Variants in STXBP5L observed in about 807,000 individuals in gnomAD.
The protein encoded by STXBP5L is syntaxin binding protein 5L.
STXBP5L carries 65 observed loss-of-function variants against 144.5 expected under a neutral mutation model. The ratio of observed to expected loss-of-function variants is 0.45; its 90% CI spans 0.37 to 0.55. The LOEUF (loss-of-function observed/expected upper bound fraction) is 0.55, where lower values mean the gene tolerates loss of function less well. STXBP5L is among the 20% of genes least tolerant of loss of function. STXBP5L has a pLI of 0.00. For missense variants in STXBP5L, 1,298 were observed against 1,405.5 expected, an observed-to-expected ratio of 0.92 and a Z score of 1.22; for synonymous variants, 505 against 469.6, an observed-to-expected ratio of 1.08 and a Z score of -0.97.
At chr3:121,047,888 C>A (rs1410102975) in intron 5 of STXBP5L, among the ~76,000 whole-genome samples, 1 of 152,098 alleles carries the variant, frequency 6.6e-6, no homozygotes, top group Non-Finnish European at 1.5e-5. Flanking sequence ...ATCCTTTCAT[C>A]ATGTTTCTAG....
intron 9 of STXBP5L, among the ~76,000 whole-genome samples, chr3:121,186,666 C>T (rs900256569): frequency 6.6e-6 from 1 of 152,174 alleles, no homozygotes; most frequent in Non-Finnish European, 1.5e-5. Flanking sequence ...GGTGGATAAG[C>T]TTTTTGATGT....
At chr3:121,181,115 A>G (rs1577133486) in intron 9 of STXBP5L, among the ~76,000 whole-genome samples, 3 of 150,336 alleles carry the variant, frequency 2.0e-5, no homozygotes, top group African/African-American at 7.3e-5. Flanking sequence ...AGAAAAGAAG[A>G]AAACAAAAGA....
intron 2 of STXBP5L, among the ~76,000 whole-genome samples, chr3:120,944,346 T>C (rs1002331387): frequency 3.3e-5 from 5 of 151,654 alleles, no homozygotes; most frequent in Admixed American, 6.6e-5. Flanking sequence ...TTAATTATCT[T>C]AATATGTCCT....
At chr3:121,338,678 G>A (rs1169009466) in intron 20 of STXBP5L, among the ~76,000 whole-genome samples, 4 of 150,486 alleles carry the variant, frequency 2.7e-5, no homozygotes, top group South Asian at 2.1e-4. Context: ...AAAAGAAAGA[G>A]GAAGGAAAGA....
At chr3:120,961,743 T>C (rs1938851143) in intron 3 of STXBP5L, among the ~76,000 whole-genome samples, 1 of 152,222 alleles carries the variant, frequency 6.6e-6, no homozygotes, top group Non-Finnish European at 1.5e-5. Flanking sequence ...TACGTGTGCA[T>C]GTGTCTTTAT....
At chr3:121,056,116 T>A (rs1229904056) in intron 5 of STXBP5L, among the ~76,000 whole-genome samples, 1 of 152,184 alleles carries the variant, frequency 6.6e-6, no homozygotes, top group Non-Finnish European at 1.5e-5. Context: ...GGCTTATATA[T>A]TAAAGCCTTT....
At chr3:121,395,003 A>G (rs900912702) in intron 22 of STXBP5L, among the ~76,000 whole-genome samples, 5 of 152,194 alleles carry the variant, frequency 3.3e-5, no homozygotes, top group Non-Finnish European at 5.9e-5. Flanking sequence ...TTTTAGTGGC[A>G]TGAATTCAGA....
At chr3:121,220,088 C>G (rs1190506190) in intron 10 of STXBP5L, among the ~76,000 whole-genome samples, 2 of 152,042 alleles carry the variant, frequency 1.3e-5, no homozygotes, top group Non-Finnish European at 2.9e-5. Flanking sequence ...ATATTTCCAT[C>G]ATTTCCCACA....
chr3:121,350,419 A>G (rs895319643), intron 20 of STXBP5L, among the ~76,000 whole-genome samples: 1 of 152,110 alleles, frequency 6.6e-6, no homozygotes, highest in South Asian at 2.1e-4. Context: ...ACTTTGGTGA[A>G]TCTGACAATT....
At chr3:121,384,589 G>A (rs1215929685) in intron 22 of STXBP5L, among the ~76,000 whole-genome samples, 1 of 152,050 alleles carries the variant, frequency 6.6e-6, no homozygotes, top group Non-Finnish European at 1.5e-5. Context: ...GGAGACTGTA[G>A]ATAGAATGAT....
intron 19 of STXBP5L, among the ~76,000 whole-genome samples, chr3:121,292,154 C>T (rs1311352382): frequency 6.6e-6 from 1 of 152,006 alleles, no homozygotes; most frequent in Non-Finnish European, 1.5e-5. Flanking sequence ...ATGCATCTGA[C>T]AAGGACTAAT....
rs568916744 is a variant in STXBP5L at position 120,971,240 on chromosome 3, A to T, written c.287+16203A>T. ...TTTACAATTTTATTTATTTAAGAAA[A>T]TTTTTTTGTAAATTTTTCAAGTGCA... On this transcript the variant is annotated intron_variant, in intron 3 of 26. Transcript: ENST00000471454. Among the ~76,000 whole-genome samples the T allele has an allele frequency of 1.2e-4, 18 of 152,070 alleles. 1 individual carries two copies. The highest frequency in any genetic ancestry group is 5.9e-4 in the Admixed American group (9 of 15,236).
chr3:121,105,331 G>A (rs1431557137), intron 5 of STXBP5L, among the ~76,000 whole-genome samples: 1 of 151,944 alleles, frequency 6.6e-6, no homozygotes, highest in African/African-American at 2.4e-5. Flanking sequence ...GGGAGGCAGA[G>A]GTTGCAGTGA....
chr3:121,305,397 A>G (rs1292491347), intron 19 of STXBP5L, among the ~76,000 whole-genome samples: 1 of 152,174 alleles, frequency 6.6e-6, no homozygotes, highest in Non-Finnish European at 1.5e-5. Flanking sequence ...ATGGAACTAG[A>G]TGCAAAAATC....
intron 2 of STXBP5L, among the ~76,000 whole-genome samples, chr3:120,927,607 C>G (rs1709705153): frequency 6.6e-6 from 1 of 152,142 alleles, no homozygotes; most frequent in Admixed American, 6.5e-5. Flanking sequence ...TTTCTTAGCT[C>G]TTGGTGCAAG....
At chr3:121,350,089 G>T (rs971185246) in intron 20 of STXBP5L, among the ~76,000 whole-genome samples, 23 of 152,106 alleles carry the variant, frequency 1.5e-4, no homozygotes, top group Admixed American at 1.5e-3. Flanking sequence ...TTTTGCAGTG[G>T]CTGGTACCAG....
In STXBP5L at chr3:120,977,467, C is replaced by T. The variant is rs187792271; in HGVS notation, c.287+22430C>T. ...GCACGTGAGATGGGTTTCCTGAATA[C>T]AGCACACTGATGGGTCTTGACTGTT... On this transcript the variant is annotated intron_variant, in intron 3 of 26. Transcript: ENST00000471454. Among the ~76,000 whole-genome samples the T allele has an allele frequency of 1.3e-3, 196 of 152,268 alleles. 1 individual carries two copies. Among genetic ancestry groups the T allele is most frequent in the African/African-American group, 4.5e-3 (188 of 41,554 alleles).
chr3:121,006,878 C>T (rs913683925), intron 3 of STXBP5L, among the ~76,000 whole-genome samples: 2 of 152,108 alleles, frequency 1.3e-5, no homozygotes, highest in Admixed American at 6.6e-5. Flanking sequence ...AATATTGGCC[C>T]CCACTCTCTT....
At chr3:121,318,564 G>T (rs763672990) in intron 20 of STXBP5L, 24 bp downstream of exon 20, 2 of 1,494,036 alleles carry the variant, frequency 1.3e-6, no homozygotes, top group Admixed American at 2.1e-5. Context: ...GTATTTTGCA[G>T]ACTTCTGGTA....
Sources: gnomAD v4.1 joint callset for allele counts (sites outside exome capture counted in the v4.1 genomes callset) on GRCh38, gnomAD v4.1.1 for gene constraint, MANE v1.5 for transcripts, NCBI Gene and HGNC (gene_info 2026-07-23, HGNC 2026-07-21) for gene names.